Variants in ROBO2 observed in about 807,000 individuals in gnomAD.
The protein encoded by ROBO2 is roundabout homolog 2.
A neutral mutation model predicts 160.8 loss-of-function variants in ROBO2; 53 were observed. The observed-to-expected ratio is 0.33, with a 90% CI of 0.26 to 0.41. The LOEUF is 0.41. ROBO2 is among the 10% of genes least tolerant of loss of function. ROBO2 has a pLI of 1.00. For synonymous variants in ROBO2, 664 were observed against 611.7 expected (o/e 1.09, Z -1.26); for missense variants, 1,577 against 1,722.4 (o/e 0.92, Z 1.49).
chr3:76,954,706 A>C (rs2079144489), intron 2 of ROBO2, among the ~76,000 whole-genome samples: 1 of 152,226 alleles, frequency 6.6e-6, no homozygotes, highest in Non-Finnish European at 1.5e-5. Flanking sequence ...TTTCAGAATG[A>C]TTTTATTGTC....
At chr3:75,989,767 G>A (rs1200628567) in intron 2 of ROBO2, among the ~76,000 whole-genome samples, 1 of 152,226 alleles carries the variant, frequency 6.6e-6, no homozygotes, top group African/African-American at 2.4e-5. Flanking sequence ...AGATATAAGA[G>A]GGGCTGCAGA....
intron 2 of ROBO2, among the ~76,000 whole-genome samples, chr3:77,407,300 C>A (rs754764258): frequency 2.0e-5 from 3 of 151,960 alleles, no homozygotes; most frequent in Admixed American, 6.6e-5. Context: ...AAAAAAAAAT[C>A]AACTCTAGAG....
At chr3:77,575,351 T>C (rs1162652157) in intron 14 of ROBO2, among the ~76,000 whole-genome samples, 1 of 152,066 alleles carries the variant, frequency 6.6e-6, no homozygotes, top group Non-Finnish European at 1.5e-5. Flanking sequence ...ATAAATGTTG[T>C]CATTAAAGTT....
At chr3:77,419,765 T>G (rs2077551559) in intron 2 of ROBO2, among the ~76,000 whole-genome samples, 1 of 152,166 alleles carries the variant, frequency 6.6e-6, no homozygotes, top group African/African-American at 2.4e-5. Context: ...AGTAAATGGA[T>G]ATTTGTTAAA....
intron 2 of ROBO2, among the ~76,000 whole-genome samples, chr3:76,935,941 G>T (rs1485388661): frequency 6.6e-6 from 1 of 152,144 alleles, no homozygotes; most frequent in Non-Finnish European, 1.5e-5. Flanking sequence ...TCACATTGGC[G>T]ATTAGGTTTC....
intron 2 of ROBO2, among the ~76,000 whole-genome samples, chr3:77,177,593 G>A (rs1242466113): frequency 6.6e-6 from 1 of 151,670 alleles, no homozygotes; most frequent in Non-Finnish European, 1.5e-5. Context: ...TTTAATTGTT[G>A]TATGGCTATT....
intron 2 of ROBO2, among the ~76,000 whole-genome samples, chr3:76,986,402 C>T (rs1454655481): frequency 1.3e-5 from 2 of 151,994 alleles, no homozygotes; most frequent in Non-Finnish European, 2.9e-5. Context: ...ATCTATAAAA[C>T]ATGAGTTTCA....
intron 2 of ROBO2, among the ~76,000 whole-genome samples, chr3:76,355,033 T>G (rs1338912304): frequency 6.6e-6 from 1 of 151,490 alleles, no homozygotes; most frequent in Non-Finnish European, 1.5e-5. Flanking sequence ...TTTATGTGTA[T>G]GTGTATGTGT....
At chr3:76,131,901 G>C (rs1001640112) in intron 2 of ROBO2, among the ~76,000 whole-genome samples, 1 of 151,992 alleles carries the variant, frequency 6.6e-6, no homozygotes, top group Non-Finnish European at 1.5e-5. Context: ...TTATTGATTA[G>C]AGTGACTCAA....
At chr3:77,408,859 G>C (rs1251431454) in intron 2 of ROBO2, among the ~76,000 whole-genome samples, 1 of 151,708 alleles carries the variant, frequency 6.6e-6, no homozygotes, top group African/African-American at 2.4e-5. Flanking sequence ...TGCATAGCTG[G>C]GGCTACAGGC....
In ROBO2 at chr3:76,241,230, C is replaced by G. The variant is rs551681073; in HGVS notation, c.109+303628C>G. Among the ~76,000 whole-genome samples, 4 of 152,302 alleles carry G rather than the reference C, an allele frequency of 2.6e-5. No homozygotes were observed. The South Asian group carries it at 8.3e-4, about 32-fold the overall frequency. On this transcript the variant is annotated intron_variant, in intron 2 of 26. Coordinates refer to the ROBO2 transcript ENST00000487694. ...TAACTCTGTTATTGAATAACTATTT[C>G]ATGATGCCATGGCTTCCCGGGATCT... is the stretch of plus-strand genomic sequence containing the variant.
intron 2 of ROBO2, among the ~76,000 whole-genome samples, chr3:76,599,560 T>C (rs2086976333): frequency 6.6e-6 from 1 of 152,234 alleles, no homozygotes; most frequent in Admixed American, 6.5e-5. Flanking sequence ...TTTGGGTATA[T>C]ACCCAATAAT....
chr3:75,924,837 T>C (rs1322534864), intron 1 of ROBO2, among the ~76,000 whole-genome samples: 10 of 151,322 alleles, frequency 6.6e-5, no homozygotes, highest in South Asian at 2.1e-4. Flanking sequence ...TACAGGCGCC[T>C]GCCACCACGC....
chr3:77,439,221 T>C (rs537472846), intron 2 of ROBO2, among the ~76,000 whole-genome samples: 11 of 152,154 alleles, frequency 7.2e-5, no homozygotes, highest in African/African-American at 2.4e-4. Flanking sequence ...GTGAGTAATA[T>C]CTTGTAAGTT....
chr3:77,425,669 CTT>C (rs756195644), intron 2 of ROBO2, among the ~76,000 whole-genome samples: 11,721 of 140,404 alleles, frequency 0.083, 543 homozygotes, highest in African/African-American at 0.11. Context: ...CAATATGACT[CTT>C]TTTTTTTTTT....
intron 2 of ROBO2, among the ~76,000 whole-genome samples, chr3:77,349,946 A>G (rs2068117514): frequency 6.6e-6 from 1 of 151,930 alleles, no homozygotes; most frequent in Admixed American, 6.6e-5. Context: ...GATGTTAGTT[A>G]TTTCTTATTG....
intron 2 of ROBO2, among the ~76,000 whole-genome samples, chr3:76,232,425 G>A (rs951127667): frequency 6.6e-6 from 1 of 152,140 alleles, no homozygotes; most frequent in African/African-American, 2.4e-5. Context: ...CAGCAACAAC[G>A]TATTTGAACC....
intron 2 of ROBO2, among the ~76,000 whole-genome samples, chr3:76,166,515 T>C (rs750218723): frequency 2.1e-4 from 32 of 152,138 alleles, no homozygotes; most frequent in Non-Finnish European, 4.4e-4. Flanking sequence ...TCTTTCCCAT[T>C]TCTCTACAAC....
At chr3:77,225,333 C>A (rs541862182) in intron 2 of ROBO2, among the ~76,000 whole-genome samples, 2 of 151,688 alleles carry the variant, frequency 1.3e-5, no homozygotes, top group Non-Finnish European at 2.9e-5. Flanking sequence ...ATATTTCCTC[C>A]CATTTTACTT....
Sources: gnomAD v4.1 joint callset for allele counts (sites outside exome capture counted in the v4.1 genomes callset) on GRCh38, gnomAD v4.1.1 for gene constraint, MANE v1.5 for transcripts, NCBI Gene and HGNC (gene_info 2026-07-23, HGNC 2026-07-21) for gene names.